The following HS3ST2 variants were observed in gnomAD, a reference collection of about 807,000 sequenced individuals.
The protein encoded by HS3ST2 is heparan sulfate-glucosamine 3-sulfotransferase 2.
In HS3ST2, 17 loss-of-function variants were observed where a neutral mutation model predicts 26.3. The ratio of observed to expected loss-of-function variants is 0.65; its 90% CI spans 0.44 to 0.97. HS3ST2 has a LOEUF of 0.97. HS3ST2 is among the 50% of genes least tolerant of loss of function. The pLI is 0.00. For synonymous variants in HS3ST2, 237 were observed against 219.2 expected, an observed-to-expected ratio of 1.08 and a Z score of -0.72; for missense variants, 402 against 501.2, an observed-to-expected ratio of 0.80 and a Z score of 1.89.
chr16:22,882,141 A>G (rs1002072928), intron 1 of HS3ST2, among the ~76,000 whole-genome samples: 3 of 152,056 alleles, frequency 2.0e-5, no homozygotes, highest in African/African-American at 7.2e-5. Flanking sequence ...GGGAGGATCC[A>G]TTGAGCCCAG....
At chr16:22,863,076 T>C (rs1393036896) in intron 1 of HS3ST2, among the ~76,000 whole-genome samples, 3 of 152,236 alleles carry the variant, frequency 2.0e-5, no homozygotes, top group African/African-American at 2.4e-5. Flanking sequence ...AATGAGGCAC[T>C]AGTAATTGCA....
rs772487002 is a variant in HS3ST2, at chr16:22,814,761, G to C, written c.151G>C (p.Gly51Arg). The change falls in exon 1 of 2, where the codon GGC becomes CGC. Residue 51 changes from glycine (G) to arginine (R), a missense_variant. Physicochemically the swap from Gly to Arg is moderately radical, Grantham distance 125 (BLOSUM62 -2). This residue lies in a region of HS3ST2 where 165 missense variants were observed against 154.6 expected (regional missense o/e 1.07). Transcript: ENST00000261374. ...CGACCTGGGTCGGAGCCGCCTCCTCGGCGCGCCTCGCTGCCTCCGCGGCCC... is the reference window on the plus strand; with the variant it reads ...CGACCTGGGTCGGAGCCGCCTCCTCCGCGCGCCTCGCTGCCTCCGCGGCCC... ...CDDLGRSRLL[G>R]APRCLRGPSA... The C allele has an allele frequency of 5.0e-6, 8 of 1,606,024 alleles. No individual in the cohort carries two copies. The highest frequency in any genetic ancestry group is 6.8e-6 in the Non-Finnish European group (8 of 1,177,502).
At chr16:22,913,873 A>T (rs960622055) in intron 1 of HS3ST2, among the ~76,000 whole-genome samples, 1 of 152,050 alleles carries the variant, frequency 6.6e-6, no homozygotes, top group Non-Finnish European at 1.5e-5. Flanking sequence ...ATGGTGGCTT[A>T]CACCTGTAAT....
At chr16:22,897,314 T>C (rs898557472) in intron 1 of HS3ST2, among the ~76,000 whole-genome samples, 1 of 152,218 alleles carries the variant, frequency 6.6e-6, no homozygotes, top group Non-Finnish European at 1.5e-5. Context: ...ATCTATGTTA[T>C]TTATAGCCGT....
intron 1 of HS3ST2, among the ~76,000 whole-genome samples, chr16:22,876,273 A>C (rs1041063366): frequency 6.6e-6 from 1 of 152,192 alleles, no homozygotes; most frequent in African/African-American, 2.4e-5. Flanking sequence ...TAATCTCATC[A>C]AAAAGTGGGC....
chr16:22,864,257 G>A (rs567550803), intron 1 of HS3ST2, among the ~76,000 whole-genome samples: 1 of 152,290 alleles, frequency 6.6e-6, no homozygotes, highest in Admixed American at 6.5e-5. Flanking sequence ...TCTTAATCAA[G>A]GATCCTCTGG....
Position 22,821,634 on chromosome 16 carries a change from C to T in HS3ST2, c.485+6539C>T, listed in dbSNP as rs534350042. Reference sequence around the variant, plus strand: ...TCACTGTCTCTGCTGGAGCTAACTCCGGTGCAGGTTAATCCATTCGTTTGT... The same window carrying T: ...TCACTGTCTCTGCTGGAGCTAACTCTGGTGCAGGTTAATCCATTCGTTTGT... On this transcript the variant is annotated intron_variant, in intron 1 of 1. Coordinates refer to ENST00000261374, the MANE Select transcript of HS3ST2 (RefSeq NM_006043.2). Among the ~76,000 whole-genome samples the T allele has an allele frequency of 1.4e-3, 210 of 152,128 alleles. 3 individuals are homozygous for T. The highest frequency in any genetic ancestry group is 6.8e-3 in the South Asian group (33 of 4,818).
At chr16:22,907,374 T>C (rs1902369818) in intron 1 of HS3ST2, among the ~76,000 whole-genome samples, 1 of 152,200 alleles carries the variant, frequency 6.6e-6, no homozygotes, top group Non-Finnish European at 1.5e-5. Flanking sequence ...GGATACATGA[T>C]TGGATTCCCT....
chr16:22,852,424 G>T (rs1390224617), intron 1 of HS3ST2, among the ~76,000 whole-genome samples: 1 of 152,150 alleles, frequency 6.6e-6, no homozygotes, highest in African/African-American at 2.4e-5. Context: ...GTTCCTTCTG[G>T]TGAAACTTCG....
chr16:22,877,062 C>G (rs112160973), intron 1 of HS3ST2, among the ~76,000 whole-genome samples: 2 of 152,244 alleles, frequency 1.3e-5, no homozygotes, highest in African/African-American at 4.8e-5. Flanking sequence ...ACCAAAATCT[C>G]AGAAATCACC....
intron 1 of HS3ST2, among the ~76,000 whole-genome samples, chr16:22,888,996 C>G (rs756529651): frequency 6.6e-6 from 1 of 152,168 alleles, no homozygotes; most frequent in Non-Finnish European, 1.5e-5. Flanking sequence ...GCACCAGGGA[C>G]AGTGCATAGA....
At chr16:22,901,107 C>G (rs1902277255) in intron 1 of HS3ST2, among the ~76,000 whole-genome samples, 2 of 152,136 alleles carry the variant, frequency 1.3e-5, no homozygotes, top group African/African-American at 4.8e-5. Context: ...TTTGACCTCA[C>G]AACAGCCAAG....
chr16:22,869,481 G>C (rs536864291), intron 1 of HS3ST2, among the ~76,000 whole-genome samples: 3 of 152,308 alleles, frequency 2.0e-5, no homozygotes, highest in African/African-American at 7.2e-5. Context: ...CCAAGACTGG[G>C]TAATTTACAA....
At chr16:22,880,263 T>TA (rs1366970191) in intron 1 of HS3ST2, among the ~76,000 whole-genome samples, 6 of 151,772 alleles carry the variant, frequency 4.0e-5, no homozygotes, top group African/African-American at 1.5e-4. Context: ...TAAAAAACAT[T>TA]AAAAAATTAG....
chr16:22,832,800 A>G (rs931533307), intron 1 of HS3ST2, among the ~76,000 whole-genome samples: 2 of 151,146 alleles, frequency 1.3e-5, no homozygotes, highest in Non-Finnish European at 2.9e-5. Flanking sequence ...GTTTTCCCCA[A>G]ACAAGACAGT....
At chr16:22,816,001 G>A (rs1034769894) in intron 1 of HS3ST2, among the ~76,000 whole-genome samples, 1 of 152,204 alleles carries the variant, frequency 6.6e-6, no homozygotes, top group African/African-American at 2.4e-5. Flanking sequence ...TGCTTCCCAT[G>A]CATGCCAGGG....
chr16:22,869,625 C>G (rs1297015537), intron 1 of HS3ST2, among the ~76,000 whole-genome samples: 1 of 152,110 alleles, frequency 6.6e-6, no homozygotes, highest in Non-Finnish European at 1.5e-5. Context: ...CAGAGAAACT[C>G]CCCCTTTTAA....
chr16:22,835,378 C>A (rs530669726), intron 1 of HS3ST2, among the ~76,000 whole-genome samples: 6 of 152,042 alleles, frequency 3.9e-5, no homozygotes, highest in Non-Finnish European at 1.5e-5. Context: ...ACTTAGAGAA[C>A]GACTCCAAAC....
intron 1 of HS3ST2, among the ~76,000 whole-genome samples, chr16:22,879,564 G>A (rs930599527): frequency 1.3e-5 from 2 of 152,202 alleles, no homozygotes; most frequent in East Asian, 1.9e-4. Flanking sequence ...CTGAGTGCAC[G>A]TGACCCGAGT....
Sources: gnomAD v4.1 joint callset for allele counts (sites outside exome capture counted in the v4.1 genomes callset) on GRCh38, gnomAD v4.1.1 for gene constraint, gnomAD v4.1.1 regional missense constraint, MANE v1.5 for transcripts, NCBI Gene and HGNC (gene_info 2026-07-23, HGNC 2026-07-21) for gene names.